The following D2HGDH variants were observed in gnomAD, a reference collection of about 807,000 sequenced individuals.
D2HGDH encodes the protein D-2-hydroxyglutarate dehydrogenase, mitochondrial.
A neutral mutation model predicts 46.9 loss-of-function variants in D2HGDH; 31 were observed. That is an observed-to-expected ratio of 0.66 (90% CI 0.50 to 0.89). The LOEUF is 0.89. Ranked by LOEUF, D2HGDH falls within the 40% of genes least tolerant of loss-of-function variation. The pLI, the probability that D2HGDH is intolerant of heterozygous loss-of-function variation, is 0.00. For missense variants in D2HGDH, 698 were observed against 720.8 expected, an observed-to-expected ratio of 0.97 and a Z score of 0.36; for synonymous variants, 364 against 332.6, an observed-to-expected ratio of 1.09 and a Z score of -1.03.
chr2:241,743,889 T>C lies in D2HGDH; in HGVS notation c.684+74T>C, dbSNP rs535312936. On this transcript the variant is annotated intron_variant, in intron 5 of 9. Transcript: ENST00000321264. This position sits in a 1 kb window ranked among gnomAD's most constrained non-coding sequence, Gnocchi z 4.8. Reference sequence around the variant, plus strand: ...TCACGGCTCTCATGGGCCCACGTGGTGGCACAGGTGCATGGGGCCCCTCGG... The same window carrying C: ...TCACGGCTCTCATGGGCCCACGTGGCGGCACAGGTGCATGGGGCCCCTCGG... 6.6e-7 allele frequency: 1 copy of C among 1,515,182 alleles called. No individual in the cohort carries two copies. Among genetic ancestry groups the C allele is most frequent in the South Asian group, 1.2e-5 (1 of 82,940 alleles). 93.9% of individuals were successfully genotyped at this position (1,515,182 alleles called of 1,614,324 possible).
At chr2:241,751,524 TGA>T in intron 8 of D2HGDH, 136 bp downstream of exon 8, 1 of 1,353,338 alleles carries the variant, frequency 7.4e-7, no homozygotes. Context: ...TTCATGGCTT[TGA>T]GAGAGTAGCC....
chr2:241,742,570 G>A lies in D2HGDH; in HGVS notation c.486G>A (p.Val162=). The change falls in exon 4 of 10, where the codon GTG becomes GTA. Residue 162 remains valine, a synonymous_variant. Transcript: ENST00000321264. This position sits in a 1 kb window ranked among gnomAD's most constrained non-coding sequence, Gnocchi z 4.8. ...ACCGGGTCCTCAGCTTCCACAGCGT[G>A]TCTGGTAAGCCTGTGCCACCCGTCG... The part of the protein sequence containing the change: ...RMNRVLSFHS[V]SGILVCQAGC... 1 of 1,614,106 alleles carries A rather than the reference G, an allele frequency of 6.2e-7. No homozygotes were observed. Among genetic ancestry groups the A allele is most frequent in the Non-Finnish European group, 8.5e-7 (1 of 1,180,022 alleles).
rs568785310 is a variant in D2HGDH at position 241,738,471 on chromosome 2, C to T, written c.293-2562C>T. 7.2e-5 allele frequency among the ~76,000 whole-genome samples: 11 copies of T among 152,368 alleles called. No individual in the cohort carries two copies. The South Asian group carries it at 2.1e-3, about 29-fold the overall frequency. ...TGAGCACAATGCTTGGGTTCCCGTGCTCCCAGCCTGCTCGGAGGCCAGCAC... is the reference window on the plus strand; with the variant it reads ...TGAGCACAATGCTTGGGTTCCCGTGTTCCCAGCCTGCTCGGAGGCCAGCAC... On this transcript the variant is annotated intron_variant, in intron 2 of 9. Coordinates refer to ENST00000321264, the MANE Select transcript of D2HGDH (RefSeq NM_152783.5).
chr2:241,763,160 G>A (rs1165905322), intron 9 of D2HGDH, among the ~76,000 whole-genome samples: 1 of 152,224 alleles, frequency 6.6e-6, no homozygotes. Context: ...ATACAGTTGG[G>A]TGTTGCTGAA....
At position 241,742,248 on chromosome 2, in the gene D2HGDH, C is replaced by T. The variant is rs976155406; in HGVS notation, c.351-187C>T. Among the ~76,000 whole-genome samples, 4 of 152,198 alleles carry T rather than the reference C, an allele frequency of 2.6e-5. No homozygotes were observed. The highest frequency in any genetic ancestry group is 7.2e-5 in the African/African-American group (3 of 41,446). ...CTTCCGTCTCCCTGTGCACAGCTTT[C>T]GGATTGGCCTCTGTCCTTCCTCAGA... On this transcript the variant is annotated intron_variant, in intron 3 of 9. Coordinates refer to ENST00000321264, the MANE Select transcript of D2HGDH (RefSeq NM_152783.5). The surrounding 1 kb of genome is among the most constrained non-coding windows in gnomAD (Gnocchi z 4.8).
In D2HGDH at chr2:241,768,386, G is replaced by A. The variant is rs559656757; in HGVS notation, c.*417G>A. On this transcript the variant is annotated 3_prime_UTR_variant, in exon 10 of 10. Transcript: ENST00000321264. ...CATGCGTGGGCAGCGGGGGGCATGC[G>A]TGGGCAGCAGGGGGCGTGGGCAGCG... 10 of 197,778 alleles carry A rather than the reference G, an allele frequency of 5.1e-5. No homozygotes were observed. Among genetic ancestry groups the A allele is most frequent in the Admixed American group, 1.1e-4 (2 of 17,678 alleles). The allele number at this position is 197,778 out of a possible 1,614,324, so 12.3% of individuals were successfully genotyped here. A position where few individuals can be genotyped will look rare whatever the true frequency, so the allele number is the denominator to read the frequency against.
At position 241,735,118 on chromosome 2, in the gene D2HGDH, C is replaced by T. The variant is rs1297951060; in HGVS notation, c.-92-15C>T. The T allele has an allele frequency of 8.2e-7, 1 of 1,220,072 alleles. No individual in the cohort carries two copies. 75.6% of individuals were successfully genotyped at this position (1,220,072 alleles called of 1,614,324 possible). On this transcript the variant is annotated splice_polypyrimidine_tract_variant and intron_variant, in intron 1 of 9. Transcript: ENST00000321264. The stretch of plus-strand genomic sequence containing the variant: ...AACGTGCATAAAACATGAAATTACC[C>T]TTGGCCACTTCCAGGCGCGCAGCCA...
At chr2:241,755,040 T>C (rs1326625318) in intron 8 of D2HGDH, 4 of 1,298,842 alleles carry the variant, frequency 3.1e-6, no homozygotes, top group Middle Eastern at 2.1e-4. Flanking sequence ...TTCCTCATGG[T>C]GCAGATCTCC....
chr2:241,744,944 C>A, intron 6 of D2HGDH, 67 bp downstream of exon 6: 1 of 1,598,860 alleles, frequency 6.3e-7, no homozygotes, highest in South Asian at 1.1e-5. Context: ...GATGGTGCCA[C>A]TGTTGGTGTG....
intron 2 of D2HGDH, among the ~76,000 whole-genome samples, chr2:241,737,211 C>T (rs1371155151): frequency 6.6e-6 from 1 of 152,202 alleles, no homozygotes; most frequent in East Asian, 1.9e-4. Context: ...ACATCGTGAT[C>T]CGCCTGCCTC....
In D2HGDH at chr2:241,744,938, G is replaced by A. The variant is rs987074001; in HGVS notation, c.853+61G>A. ...TTGGGCTCGAGCGTCTGCTCTGATGGTGCCACTGTTGGTGTGAGGAAGGGG... is the reference window on the plus strand; with the variant it reads ...TTGGGCTCGAGCGTCTGCTCTGATGATGCCACTGTTGGTGTGAGGAAGGGG... On this transcript the variant is annotated intron_variant, in intron 6 of 9. Transcript: ENST00000321264. 1.9e-6 allele frequency: 3 copies of A among 1,606,128 alleles called. No individual in the cohort carries two copies. The African/African-American group carries it at 4.0e-5, about 22-fold the overall frequency.
intron 6 of D2HGDH, among the ~76,000 whole-genome samples, chr2:241,745,195 G>A (rs986810078): frequency 6.6e-6 from 1 of 152,196 alleles, no homozygotes; most frequent in African/African-American, 2.4e-5. Flanking sequence ...AAGGTTGAGG[G>A]ACATGCTGTC....
intron 8 of D2HGDH, among the ~76,000 whole-genome samples, chr2:241,754,265 G>A (rs756983118): frequency 6.6e-5 from 10 of 152,342 alleles, no homozygotes; most frequent in Middle Eastern, 3.4e-3. Context: ...GTGCCCGTGC[G>A]GCTGTGACGA....
At chr2:241,745,583 GC>G (rs1338016135) in intron 6 of D2HGDH, among the ~76,000 whole-genome samples, 3 of 152,178 alleles carry the variant, frequency 2.0e-5, no homozygotes, top group Non-Finnish European at 4.4e-5. Flanking sequence ...TGTTCCTTCA[GC>G]CACTTACATC....
At chr2:241,735,559 T>C (rs761898523) in intron 2 of D2HGDH, 43 bp downstream of exon 2, 4 of 1,595,782 alleles carry the variant, frequency 2.5e-6, no homozygotes, top group South Asian at 1.1e-5. Flanking sequence ...GCGTCCCTGC[T>C]CCGCTGCGCC....
At chr2:241,767,579 G>A in intron 9 of D2HGDH, 131 bp from the exon 10 acceptor site, 1 of 1,324,138 alleles carries the variant, frequency 7.6e-7, no homozygotes, top group South Asian at 1.3e-5. Context: ...AGGGCGAGTG[G>A]CATGAGGGTG....
chr2:241,745,022 C>A, intron 6 of D2HGDH, 145 bp downstream of exon 6: 3 of 1,137,224 alleles, frequency 2.6e-6, no homozygotes, highest in Non-Finnish European at 3.8e-6. Context: ...TCTCTGCTTC[C>A]AAAGGAATCA....
At chr2:241,744,227 G>A (rs1427975328) in intron 5 of D2HGDH, among the ~76,000 whole-genome samples, 1 of 152,224 alleles carries the variant, frequency 6.6e-6, no homozygotes, top group African/African-American at 2.4e-5. Context: ...AGAGCTCTCT[G>A]TCCTGTTTAC....
chr2:241,750,537 T>C (rs1265897792), intron 7 of D2HGDH, among the ~76,000 whole-genome samples: 5 of 152,234 alleles, frequency 3.3e-5, no homozygotes, highest in African/African-American at 4.8e-5. Context: ...GATTTCCTGA[T>C]CTTCTGCAGG....
Sources: gnomAD v4.1 joint callset for allele counts (sites outside exome capture counted in the v4.1 genomes callset) on GRCh38, gnomAD v4.1.1 for gene constraint, Gnocchi (gnomAD v3.1) non-coding constraint, MANE v1.5 for transcripts, NCBI Gene and HGNC (gene_info 2026-07-23, HGNC 2026-07-21) for gene names.